DOCK5: variants seen among roughly 807,000 people sequenced by gnomAD.
DOCK5 encodes the protein dedicator of cytokinesis protein 5.
Under a neutral mutation model 251.8 loss-of-function variants are expected in DOCK5, and 142 were observed. That is an observed-to-expected ratio of 0.56 (90% CI 0.49 to 0.65). DOCK5 has a LOEUF of 0.65. Ranked by LOEUF, DOCK5 falls within the 30% of genes least tolerant of loss-of-function variation. DOCK5 has a pLI of 0.00. For synonymous variants in DOCK5, 842 were observed against 835.5 expected, an observed-to-expected ratio of 1.01 and a Z score of -0.13; for missense variants, 2,111 against 2,312.3, an observed-to-expected ratio of 0.91 and a Z score of 1.79.
At chr8:25,296,484 G>GT in intron 6 of DOCK5, 29 bp from the exon 7 acceptor site, 1 of 1,596,096 alleles carries the variant, frequency 6.3e-7, no homozygotes, top group Non-Finnish European at 8.5e-7. Context: ...CTGGTGAGGA[G>GT]AACCAGCTGA....
chr8:25,368,625 C>G lies in DOCK5; in HGVS notation c.3338C>G (p.Thr1113Ser). The G allele has an allele frequency of 6.2e-7, 1 of 1,613,852 alleles. No individual in the cohort carries two copies. The highest frequency in any genetic ancestry group is 8.5e-7 in the Non-Finnish European group (1 of 1,179,836). The change falls in exon 33 of 52, where the codon ACT becomes AGT. Residue 1113 changes from threonine to serine, a missense_variant. Thr to Ser is a moderately conservative substitution (Grantham distance 58). This residue lies in a region of DOCK5 where 1,717 missense variants were observed against 1,892.4 expected (regional missense o/e 0.91). Transcript: ENST00000276440. ...PSMVGPILEV[T>S]LTPEVELRKA... is the part of the protein sequence containing the mutation. ...ATGGTGGGTCCCATTCTGGAGGTCACTCTGACCCCTGAAGTAGAGCTCCGG... is the reference window on the plus strand; with the variant it reads ...ATGGTGGGTCCCATTCTGGAGGTCAGTCTGACCCCTGAAGTAGAGCTCCGG...
intron 1 of DOCK5, among the ~76,000 whole-genome samples, chr8:25,236,819 G>A (rs527639357): frequency 1.7e-4 from 26 of 151,730 alleles, no homozygotes; most frequent in African/African-American, 4.6e-4. Flanking sequence ...AGCTGGTCTC[G>A]AACTCCTGAC....
rs770231252 is a variant in DOCK5 at position 25,372,692 on chromosome 8, C to T, written c.3658C>T (p.Arg1220Cys). The T allele has an allele frequency of 3.7e-5, 60 of 1,611,196 alleles. No homozygotes were observed. The highest frequency in any genetic ancestry group is 5.0e-5 in the Admixed American group (3 of 59,520). ...CATGCAAGATGAGAGCAAGGAGAAC[C>T]GTATGAGCTGCACTGTGAACGTGCT... ...IIMQDESKEN[R>C]MSCTVNVLNF... The change falls in exon 35 of 52, where the codon CGT becomes TGT. Residue 1220 changes from arginine to cysteine, a missense_variant. Arg to Cys is a radical substitution (Grantham distance 180, BLOSUM62 -3). Coordinates refer to ENST00000276440, the MANE Select transcript of DOCK5 (RefSeq NM_024940.8).
intron 3 of DOCK5, among the ~76,000 whole-genome samples, chr8:25,269,162 C>T (rs1803841291): frequency 2.6e-5 from 4 of 152,216 alleles, no homozygotes; most frequent in South Asian, 2.1e-4. Context: ...GTTGGTAACA[C>T]ATTCATTGCC....
At chr8:25,321,109 G>C (rs2117200537) in intron 16 of DOCK5, 57 bp downstream of exon 16, 1 of 1,450,460 alleles carries the variant, frequency 6.9e-7, no homozygotes, top group East Asian at 2.3e-5. Flanking sequence ...GCTCTGGCTT[G>C]ACAGCCATCT....
intron 1 of DOCK5, among the ~76,000 whole-genome samples, chr8:25,209,056 G>T (rs1802069152): frequency 6.6e-6 from 1 of 152,202 alleles, no homozygotes; most frequent in African/African-American, 2.4e-5. Context: ...GCCATTAGCA[G>T]CAGGGAAAGG....
At chr8:25,316,544 G>A (rs970160812) in intron 13 of DOCK5, among the ~76,000 whole-genome samples, 1 of 152,110 alleles carries the variant, frequency 6.6e-6, no homozygotes, top group Admixed American at 6.5e-5. Context: ...AGGTTGTTCT[G>A]TAGATTAACA....
At chr8:25,398,214 C>A (rs1801379760) in intron 45 of DOCK5, among the ~76,000 whole-genome samples, 1 of 152,134 alleles carries the variant, frequency 6.6e-6, no homozygotes, top group African/African-American at 2.4e-5. Flanking sequence ...TGTGTCCTAC[C>A]ATTTACCAAA....
In DOCK5 at chr8:25,410,958, TGTGTGTGTGTGTGTGCGC is replaced by T. The variant is rs1563236015; in HGVS notation, c.5509-234_5509-217del. On this transcript the variant is annotated intron_variant, in intron 51 of 51. Transcript: ENST00000276440. ...GAGAAAATGTGTGTGTGTGTGTGTG[TGTGTGTGTGTGTGTGCGC>T]GCGCGCGCACGCACGCACGCACGCA... Among the ~76,000 whole-genome samples, 24 of 29,676 alleles carry T rather than the reference TGTGTGTGTGTGTGTGCGC, an allele frequency of 8.1e-4. 1 individual carries two copies. The highest frequency in any genetic ancestry group is 1.9e-3 in the African/African-American group (24 of 12,478). 19.5% of individuals were successfully genotyped at this position (29,676 alleles called of 152,430 possible).
intron 22 of DOCK5, among the ~76,000 whole-genome samples, chr8:25,337,426 G>T (rs1437798397): frequency 6.6e-6 from 1 of 151,626 alleles, no homozygotes; most frequent in Non-Finnish European, 1.5e-5. Flanking sequence ...TAAGGGAAAG[G>T]AAAAAGTGTC....
chr8:25,304,191 T>G (rs954513563), intron 10 of DOCK5, 64 bp from the exon 11 acceptor site: 37 of 1,380,552 alleles, frequency 2.7e-5, no homozygotes, highest in Middle Eastern at 1.8e-4. Context: ...ACTGTCCTTT[T>G]CCATAGTAAC....
Position 25,192,132 on chromosome 8 carries a change from T to C in DOCK5, c.43+7181T>C, listed in dbSNP as rs1358639695. Among the ~76,000 whole-genome samples, 4 of 152,116 alleles carry C rather than the reference T, an allele frequency of 2.6e-5. No individual in the cohort carries two copies. The East Asian group carries it at 7.7e-4, about 29-fold the overall frequency. On this transcript the variant is annotated intron_variant, in intron 1 of 51. Coordinates refer to ENST00000276440, the MANE Select transcript of DOCK5 (RefSeq NM_024940.8). ...TTTTTTATGGCTGCATAGTATTCCA[T>C]GGTGTATATGTACCACATTTTCTTA...
In DOCK5 at chr8:25,399,865, A is replaced by T. The variant is rs1396513951; in HGVS notation, c.4705-46A>T. The T allele has an allele frequency of 4.1e-6, 6 of 1,462,966 alleles. No homozygotes were observed. In the Admixed American group the frequency reaches 7.6e-5, roughly 18 times the overall value. The allele number at this position is 1,462,966 out of a possible 1,614,324, so 90.6% of individuals were successfully genotyped here. A position where few individuals can be genotyped will look rare whatever the true frequency, so the allele number is the denominator to read the frequency against. On this transcript the variant is annotated intron_variant, in intron 45 of 51. Coordinates refer to ENST00000276440, the MANE Select transcript of DOCK5 (RefSeq NM_024940.8). The stretch of plus-strand genomic sequence containing the variant: ...TTCACCCTTCCAGGCTTTCCTGCAC[A>T]GATAGGAATGTGTTCTAATTAAAAC...
intron 35 of DOCK5, among the ~76,000 whole-genome samples, chr8:25,373,148 C>T (rs1317433778): frequency 3.3e-5 from 5 of 151,864 alleles, no homozygotes; most frequent in Admixed American, 6.6e-5. Context: ...TACAGGCACG[C>T]GCCACCATGC....
At chr8:25,395,766 C>G in intron 45 of DOCK5, 47 bp downstream of exon 45, 1 of 1,581,666 alleles carries the variant, frequency 6.3e-7, no homozygotes, top group Non-Finnish European at 8.6e-7. Flanking sequence ...ACCTGGGTGT[C>G]TGTGTGCCTC....
In DOCK5 at chr8:25,332,710, T is replaced by G. The variant is rs536254895; in HGVS notation, c.2091+18T>G. ...ACGCACTGGTAAGCAGTTAAACATATTAACTAGTGTTTATTGTTGCAACTT... is the reference window on the plus strand; with the variant it reads ...ACGCACTGGTAAGCAGTTAAACATAGTAACTAGTGTTTATTGTTGCAACTT... On this transcript the variant is annotated intron_variant, in intron 20 of 51. Coordinates refer to ENST00000276440, the MANE Select transcript of DOCK5 (RefSeq NM_024940.8). 3 of 1,574,542 alleles carry G rather than the reference T, an allele frequency of 1.9e-6. No individual in the cohort carries two copies. The highest frequency in any genetic ancestry group is 2.6e-6 in the Non-Finnish European group (3 of 1,155,094).
intron 2 of DOCK5, among the ~76,000 whole-genome samples, chr8:25,254,753 G>T (rs1371050707): frequency 1.2e-5 from 1 of 83,070 alleles, no homozygotes; most frequent in Admixed American, 2.1e-4. Flanking sequence ...CCAGCCTGGC[G>T]ACAAAGCAAG....
intron 2 of DOCK5, among the ~76,000 whole-genome samples, chr8:25,262,011 A>G (rs1803599124): frequency 6.6e-6 from 1 of 152,234 alleles, no homozygotes; most frequent in African/African-American, 2.4e-5. Context: ...ATATATACAT[A>G]TAACACTGTC....
intron 2 of DOCK5, among the ~76,000 whole-genome samples, chr8:25,254,236 T>G (rs1803351738): frequency 6.6e-6 from 1 of 151,906 alleles, no homozygotes; most frequent in Non-Finnish European, 1.5e-5. Flanking sequence ...AAAAAATAAG[T>G]CAAAATAAAT....
Sources: gnomAD v4.1 joint callset for allele counts (sites outside exome capture counted in the v4.1 genomes callset) on GRCh38, gnomAD v4.1.1 for gene constraint, gnomAD v4.1.1 regional missense constraint, MANE v1.5 for transcripts, NCBI Gene and HGNC (gene_info 2026-07-23, HGNC 2026-07-21) for gene names.